Variants in FAM135B observed in about 807,000 individuals in gnomAD.
The protein encoded by FAM135B is family with sequence similarity 135 member B, also known as protein FAM135B.
Under a neutral mutation model 127.7 loss-of-function variants are expected in FAM135B, and 43 were observed. The ratio of observed to expected loss-of-function variants is 0.34; its 90% CI spans 0.26 to 0.43. The LOEUF is 0.43. FAM135B is among the 20% of genes least tolerant of loss of function. The pLI, the probability that FAM135B is intolerant of heterozygous loss-of-function variation, is 1.00. For synonymous variants in FAM135B, 670 were observed against 665.1 expected (o/e 1.01, Z -0.11); for missense variants, 1,558 against 1,725.6 (o/e 0.90, Z 1.72).
At chr8:138,240,345 G>A (rs1820655186) in intron 7 of FAM135B, among the ~76,000 whole-genome samples, 1 of 152,104 alleles carries the variant, frequency 6.6e-6, no homozygotes, top group South Asian at 2.1e-4. Flanking sequence ...GGTCTATCAT[G>A]TGTGCCATTC....
At position 138,132,481 on chromosome 8, in the gene FAM135B, C is replaced by G; in HGVS notation, c.*112G>C. The G allele has an allele frequency of 1.1e-6, 1 of 884,932 alleles. No homozygotes were observed. Among genetic ancestry groups the G allele is most frequent in the South Asian group, 1.5e-5 (1 of 65,360 alleles). The allele number at this position is 884,932 out of a possible 1,614,324, so 54.8% of individuals were successfully genotyped here. A position where few individuals can be genotyped will look rare whatever the true frequency, so the allele number is the denominator to read the frequency against. ...GTCAGGTTCCACCCGAGCCTCCGTC[C>G]CCCAATGCTGTTGAAGCTTCATTCT... On this transcript the variant is annotated 3_prime_UTR_variant, in exon 20 of 20. Coordinates refer to ENST00000395297, the MANE Select transcript of FAM135B (RefSeq NM_015912.4). This position sits in a 1 kb window ranked among gnomAD's most constrained non-coding sequence, Gnocchi z 4.5.
Position 138,496,726 on chromosome 8 carries a change from C to CCA in FAM135B, c.-76_-75insTG, listed in dbSNP as rs1271302965. 7.2e-5 allele frequency: 11 copies of CCA among 153,544 alleles called. No homozygotes were observed. In the East Asian group the frequency reaches 1.7e-3, roughly 24 times the overall value. 9.5% of individuals were successfully genotyped at this position (153,544 alleles called of 1,614,324 possible). A position where few individuals can be genotyped will look rare whatever the true frequency, so the allele number is the denominator to read the frequency against. ...CCCCCGGGGGCCGCGCTCCTGGGTC[C>CCA]CTCTCTCTCCTCTTTCGCCGTCTCT... On this transcript the variant is annotated 5_prime_UTR_variant, in exon 1 of 20. Transcript: ENST00000395297.
chr8:138,294,504 T>C (rs1280077259), intron 3 of FAM135B, among the ~76,000 whole-genome samples: 2 of 152,098 alleles, frequency 1.3e-5, no homozygotes, highest in Non-Finnish European at 2.9e-5. Flanking sequence ...CAAAAAGCTG[T>C]CCACATCATC....
intron 2 of FAM135B, among the ~76,000 whole-genome samples, chr8:138,361,531 C>A (rs1468923233): frequency 6.6e-6 from 1 of 152,172 alleles, no homozygotes; most frequent in Non-Finnish European, 1.5e-5. Context: ...CTCACATTGA[C>A]AGAGAAGAAG....
intron 5 of FAM135B, among the ~76,000 whole-genome samples, chr8:138,255,677 T>G (rs1488086959): frequency 6.6e-6 from 1 of 152,048 alleles, no homozygotes; most frequent in Non-Finnish European, 1.5e-5. Flanking sequence ...AAGGAATGAG[T>G]CACCCAGCTA....
intron 1 of FAM135B, among the ~76,000 whole-genome samples, chr8:138,376,985 A>T (rs557712921): frequency 6.6e-6 from 1 of 152,356 alleles, no homozygotes; most frequent in African/African-American, 2.4e-5. Context: ...TACATTTTTT[A>T]AATGTACTAG....
intron 1 of FAM135B, among the ~76,000 whole-genome samples, chr8:138,426,781 G>A (rs1205613226): frequency 6.6e-6 from 1 of 151,760 alleles, no homozygotes; most frequent in Non-Finnish European, 1.5e-5. Flanking sequence ...TGACCTATGA[G>A]ACACGAATTA....
chr8:138,361,862 T>C (rs1830442713), intron 2 of FAM135B, among the ~76,000 whole-genome samples: 1 of 152,198 alleles, frequency 6.6e-6, no homozygotes, highest in South Asian at 2.1e-4. Flanking sequence ...GTTCTGACTC[T>C]GCCTAGAGAC....
chr8:138,406,758 C>G (rs889074708), intron 1 of FAM135B, among the ~76,000 whole-genome samples: 13 of 150,870 alleles, frequency 8.6e-5, no homozygotes, highest in African/African-American at 2.9e-4. Flanking sequence ...TGGGACGTAT[C>G]TCGAAATAAT....
chr8:138,466,290 G>T (rs2131633305), intron 1 of FAM135B, among the ~76,000 whole-genome samples: 1 of 152,310 alleles, frequency 6.6e-6, no homozygotes, highest in Non-Finnish European at 1.5e-5. Flanking sequence ...GCAAGCAAGA[G>T]AGCTGCACTG....
intron 1 of FAM135B, among the ~76,000 whole-genome samples, chr8:138,464,635 T>C (rs1837295695): frequency 6.6e-6 from 1 of 151,990 alleles, no homozygotes; most frequent in African/African-American, 2.4e-5. Flanking sequence ...AATTCCGAAA[T>C]GGAAAAAACC....
chr8:138,441,663 A>C (rs548709656), intron 1 of FAM135B: 1 of 151,948 alleles, frequency 6.6e-6, no homozygotes, highest in African/African-American at 2.4e-5. Context: ...GCCTGCAAGT[A>C]TGTTCTCTTC....
chr8:138,448,209 G>A (rs1456467682), intron 1 of FAM135B, among the ~76,000 whole-genome samples: 1 of 152,086 alleles, frequency 6.6e-6, no homozygotes, highest in East Asian at 1.9e-4. Flanking sequence ...TGGGTTACGG[G>A]GTGCCCAGAT....
chr8:138,265,871 T>A (rs2130633717), intron 3 of FAM135B, 29 bp from the exon 4 acceptor site: 2 of 1,609,754 alleles, frequency 1.2e-6, no homozygotes, highest in African/African-American at 2.7e-5. Flanking sequence ...TAGGAACCCA[T>A]GAACTCCAAT....
intron 3 of FAM135B, among the ~76,000 whole-genome samples, chr8:138,296,371 A>G (rs1247515549): frequency 6.6e-6 from 1 of 152,190 alleles, no homozygotes; most frequent in Non-Finnish European, 1.5e-5. Context: ...CTTCCAACGA[A>G]CCAGCTGAGT....
At chr8:138,445,530 T>G (rs1240629002) in intron 1 of FAM135B, among the ~76,000 whole-genome samples, 1 of 152,138 alleles carries the variant, frequency 6.6e-6, no homozygotes, top group East Asian at 1.9e-4. Context: ...ATCTAGCATA[T>G]AAACAGAACC....
intron 1 of FAM135B, among the ~76,000 whole-genome samples, chr8:138,420,011 T>A (rs1297905034): frequency 2.0e-5 from 3 of 151,738 alleles, no homozygotes; most frequent in Non-Finnish European, 4.4e-5. Flanking sequence ...GTGAATGAAA[T>A]CAAGATACAA....
chr8:138,482,941 T>C (rs1341049013), intron 1 of FAM135B, among the ~76,000 whole-genome samples: 2 of 152,172 alleles, frequency 1.3e-5, no homozygotes, highest in Non-Finnish European at 2.9e-5. Flanking sequence ...TCCATCCATC[T>C]ACCCAAGAAT....
intron 1 of FAM135B, among the ~76,000 whole-genome samples, chr8:138,480,346 AC>A (rs1319835682): frequency 6.6e-6 from 1 of 152,128 alleles, no homozygotes; most frequent in Non-Finnish European, 1.5e-5. Flanking sequence ...TGGTTCCAAA[AC>A]ATCATTACCT....
Sources: gnomAD v4.1 joint callset for allele counts (sites outside exome capture counted in the v4.1 genomes callset) on GRCh38, gnomAD v4.1.1 for gene constraint, Gnocchi (gnomAD v3.1) non-coding constraint, MANE v1.5 for transcripts, NCBI Gene and HGNC (gene_info 2026-07-23, HGNC 2026-07-21) for gene names.